SLFNL1: variants seen among roughly 807,000 people sequenced by gnomAD.
SLFNL1 encodes schlafen-like protein 1.
Under a neutral mutation model 32.5 loss-of-function variants are expected in SLFNL1, and 26 were observed. The ratio of observed to expected loss-of-function variants is 0.80; its 90% CI spans 0.59 to 1.11. The LOEUF is 1.11. Among genes scored for constraint, SLFNL1 ranks in the 50% least tolerant of loss-of-function variants. SLFNL1 has a pLI of 0.00. For synonymous variants in SLFNL1, 255 were observed against 242.2 expected (o/e 1.05, Z -0.49); for missense variants, 553 against 546.5 (o/e 1.01, Z -0.12).
rs773255974 is a variant in SLFNL1, at chr1:41,017,907, G to A, written c.685C>T (p.Arg229Trp). Reference sequence around the variant, plus strand: ...AGGCTGAGGTACTCGCCGCTACCCCGCTTGAACTCCATATTGCGGGTCTCG... The same window carrying A: ...AGGCTGAGGTACTCGCCGCTACCCCACTTGAACTCCATATTGCGGGTCTCG... ...GSETRNMEFK[R>W]GSGEYLSLAF... Residue 229 changes from arginine (R) to tryptophan (W), a missense_variant, in exon 4 of 6, where the codon CGG becomes TGG. Physicochemically the swap from Arg to Trp is moderately radical, Grantham distance 101. Coordinates refer to ENST00000302946, the MANE Select transcript of SLFNL1 (RefSeq NM_144990.4). This position sits in a 1 kb window ranked among gnomAD's most constrained non-coding sequence, Gnocchi z 4.9. 51 of 1,612,260 alleles carry A rather than the reference G, an allele frequency of 3.2e-5. No individual in the cohort carries two copies. The highest frequency in any genetic ancestry group is 6.7e-5 in the African/African-American group (5 of 74,938).
At position 41,016,030 on chromosome 1, in the gene SLFNL1, G is replaced by T; in HGVS notation, c.*76C>A. 1 of 1,536,374 alleles carries T rather than the reference G, an allele frequency of 6.5e-7. No homozygotes were observed. Among genetic ancestry groups the T allele is most frequent in the Non-Finnish European group, 8.8e-7 (1 of 1,138,574 alleles). ...GCAGCCCGCATGGGCTTTACTGGTT[G>T]GCCTTACACTCAAACAGGAAATCCC... On this transcript the variant is annotated 3_prime_UTR_variant, in exon 6 of 6. Transcript: ENST00000302946.
chr1:41,015,875 T>C lies in SLFNL1; in HGVS notation c.*231A>G, dbSNP rs1215196792. On this transcript the variant is annotated 3_prime_UTR_variant, in exon 6 of 6. Transcript: ENST00000302946. ...TCTGGGCAGGGTTTTACACATTCTT[T>C]CTGAAAGTAAGGTCATTTGGGGACA... 1 of 483,372 alleles carries C rather than the reference T, an allele frequency of 2.1e-6. No homozygotes were observed. Among genetic ancestry groups the C allele is most frequent in the Non-Finnish European group, 3.6e-6 (1 of 276,566 alleles). 29.9% of individuals were successfully genotyped at this position (483,372 alleles called of 1,614,324 possible).
intron 3 of SLFNL1, among the ~76,000 whole-genome samples, chr1:41,019,103 C>T (rs2148449212): frequency 6.6e-6 from 1 of 152,154 alleles, no homozygotes; most frequent in East Asian, 1.9e-4. Flanking sequence ...GCTGGGATTA[C>T]AAGCGTGAGC....
rs771589536 is a variant in SLFNL1 at position 41,020,376 on chromosome 1, C to T, written c.285G>A (p.Leu95=). The change falls in exon 3 of 6, where the codon CTG becomes CTA. Residue 95 remains leucine (L), a synonymous_variant. Coordinates refer to ENST00000302946, the MANE Select transcript of SLFNL1 (RefSeq NM_144990.4). ...TGTCCCTGTGGACAGTCACCTGCAC[C>T]AGTGCATAGGCCTTCCGCGGCCGCC... ...VVRRPRKAYA[L]VQVTVHRDTL... is the part of the protein sequence containing the mutation. 8 of 1,613,302 alleles carry T rather than the reference C, an allele frequency of 5.0e-6. No homozygotes were observed. The highest frequency in any genetic ancestry group is 1.3e-5 in the African/African-American group (1 of 74,938).
chr1:41,017,987 A>G lies in SLFNL1; in HGVS notation c.605T>C (p.Val202Ala). Reference sequence around the variant, plus strand: ...GTCCTTGCCCACGATCTGCTGGTGCACAATGGCACTGTCGGAGCACACGCC... The same window carrying G: ...GTCCTTGCCCACGATCTGCTGGTGCGCAATGGCACTGTCGGAGCACACGCC... ...PSGVCSDSAI[V>A]HQQIVGKDQL... The change falls in exon 4 of 6, where the codon GTG becomes GCG. Residue 202 changes from valine (V) to alanine (A), a missense_variant. Transcript: ENST00000302946. This position sits in a 1 kb window ranked among gnomAD's most constrained non-coding sequence, Gnocchi z 4.9. 2 of 1,609,916 alleles carry G rather than the reference A, an allele frequency of 1.2e-6. No individual in the cohort carries two copies. Among genetic ancestry groups the G allele is most frequent in the Non-Finnish European group, 1.7e-6 (2 of 1,178,694 alleles).
rs1219372372 is a variant in SLFNL1 at position 41,020,109 on chromosome 1, G to A, written c.435+117C>T. 2.7e-6 allele frequency: 3 copies of A among 1,109,256 alleles called. No individual in the cohort carries two copies. The African/African-American group carries it at 4.7e-5, about 17-fold the overall frequency. 68.7% of individuals were successfully genotyped at this position (1,109,256 alleles called of 1,614,324 possible). A position where few individuals can be genotyped will look rare whatever the true frequency, so the allele number is the denominator to read the frequency against. On this transcript the variant is annotated intron_variant, in intron 3 of 5. Coordinates refer to ENST00000302946, the MANE Select transcript of SLFNL1 (RefSeq NM_144990.4). ...TTGAGTGGCAGCCCCCAAGTTTGCA[G>A]ATTTGTCCCTGCTTCCCCAGAGACA...
rs1643455470 is a variant in SLFNL1 at position 41,017,594 on chromosome 1, C to T, written c.957+41G>A. On this transcript the variant is annotated intron_variant, in intron 4 of 5. Transcript: ENST00000302946. The surrounding 1 kb of genome is among the most constrained non-coding windows in gnomAD (Gnocchi z 4.9). ...AGGCCATCGTCTTACTGAGTGATGA[C>T]AGATGACAGGCCCAGAGGCCCTCCT... 3.3e-6 allele frequency: 5 copies of T among 1,511,752 alleles called. No individual in the cohort carries two copies. In the African/African-American group the frequency reaches 7.0e-5, roughly 21 times the overall value. The allele number at this position is 1,511,752 out of a possible 1,614,324, so 93.6% of individuals were successfully genotyped here.
At chr1:41,020,177 C>G in intron 3 of SLFNL1, 49 bp downstream of exon 3, 1 of 1,522,100 alleles carries the variant, frequency 6.6e-7, no homozygotes, top group African/African-American at 1.4e-5. Context: ...CTCAGAGGCT[C>G]TCCCTTGGGG....
chr1:41,016,278 C>CA, intron 5 of SLFNL1, 50 bp from the exon 6 acceptor site: 1 of 1,591,010 alleles, frequency 6.3e-7, no homozygotes, highest in Non-Finnish European at 8.6e-7. Flanking sequence ...GGTCTCGGGC[C>CA]TGTCCGTCCT....
intron 3 of SLFNL1, among the ~76,000 whole-genome samples, chr1:41,018,828 GTTTTTTTTTTT>G (rs34061852): frequency 4.9e-5 from 3 of 60,644 alleles, no homozygotes; most frequent in Non-Finnish European, 8.7e-5. Flanking sequence ...CAACCCTCCT[GTTTTTTTTTTT>G]TTTTTTTTTT....
At position 41,017,374 on chromosome 1, in the gene SLFNL1, T is replaced by A; in HGVS notation, c.961A>T (p.Ile321Phe). The A allele has an allele frequency of 6.2e-7, 1 of 1,612,782 alleles. No individual in the cohort carries two copies. The highest frequency in any genetic ancestry group is 8.5e-7 in the Non-Finnish European group (1 of 1,179,520). ...TSETSVPLKV[I>F]RLTVHTPKAQ... Reference sequence around the variant, plus strand: ...TTGGGGGTGTGCACGGTCAGGCGGATCACCTTGGTAGGGGCAACAGCAGCT... The same window carrying A: ...TTGGGGGTGTGCACGGTCAGGCGGAACACCTTGGTAGGGGCAACAGCAGCT... Residue 321 changes from isoleucine (I) to phenylalanine (F), a missense_variant, in exon 5 of 6, where the codon ATC (isoleucine) becomes TTC (phenylalanine). Transcript: ENST00000302946. The surrounding 1 kb of genome is among the most constrained non-coding windows in gnomAD (Gnocchi z 4.9).
At chr1:41,016,379 GC>G in intron 5 of SLFNL1, 151 bp from the exon 6 acceptor site, 1 of 1,206,002 alleles carries the variant, frequency 8.3e-7, no homozygotes, top group Non-Finnish European at 1.1e-6. Flanking sequence ...TCGGCCTGCT[GC>G]CACCTTCAAC....
chr1:41,020,461 A>AGCAG lies in SLFNL1; in HGVS notation c.196_199dup (p.Leu67ProfsTer19), dbSNP rs747899514. The stretch of plus-strand genomic sequence containing the variant: ...CTCCAGCCGCTCCAGGGTGTCTCGC[A>AGCAG]GCAGGCAGGCAAGCACCGGCACTGA... On this transcript the variant is annotated frameshift_variant, in exon 3 of 6. Coordinates refer to ENST00000302946, the MANE Select transcript of SLFNL1 (RefSeq NM_144990.4). LOFTEE classifies it high-confidence loss of function. The AGCAG allele has an allele frequency of 1.9e-6, 3 of 1,613,444 alleles. No individual in the cohort carries two copies. Among genetic ancestry groups the AGCAG allele is most frequent in the Non-Finnish European group, 2.5e-6 (3 of 1,180,034 alleles).
chr1:41,019,117 C>T lies in SLFNL1; in HGVS notation c.436-961G>A, dbSNP rs556275874. ...TGCTGGGATTACAAGCGTGAGCCAC[C>T]GCGCCCAGCCAACCCTCCTTAGTGA... On this transcript the variant is annotated intron_variant, in intron 3 of 5. Coordinates refer to ENST00000302946, the MANE Select transcript of SLFNL1 (RefSeq NM_144990.4). Among the ~76,000 whole-genome samples the T allele has an allele frequency of 1.9e-3, 291 of 152,102 alleles. 2 individuals carry two copies. Among genetic ancestry groups the T allele is most frequent in the African/African-American group, 6.7e-3 (279 of 41,502 alleles).
At chr1:41,019,016 A>G (rs113457358) in intron 3 of SLFNL1, among the ~76,000 whole-genome samples, 11,843 of 150,848 alleles carry the variant, frequency 0.079, 592 homozygotes, top group South Asian at 0.13. Context: ...ATTTTTTTGT[A>G]TTTTTAGTAG....
At chr1:41,020,911 CAG>C (rs996142866) in intron 1 of SLFNL1, 41 bp from the exon 2 acceptor site, 48 of 501,164 alleles carry the variant, frequency 9.6e-5, no homozygotes, top group Middle Eastern at 1.0e-3. Context: ...GAGCAAGACA[CAG>C]GGCCTGTGGG....
intron 3 of SLFNL1, 24 bp downstream of exon 3, chr1:41,020,202 T>G (rs1314286885): frequency 6.4e-7 from 1 of 1,558,112 alleles, no homozygotes. Context: ...GCTTTGGAGC[T>G]TGCTTGGGAA....
chr1:41,020,094 G>T, intron 3 of SLFNL1, 132 bp downstream of exon 3: 2 of 910,300 alleles, frequency 2.2e-6, no homozygotes, highest in Non-Finnish European at 1.7e-6. Context: ...TTGAGTGGCA[G>T]CCCCCAAGTT....
At chr1:41,016,458 C>T in intron 5 of SLFNL1, 1 of 565,620 alleles carries the variant, frequency 1.8e-6, no homozygotes, top group South Asian at 2.2e-5. Flanking sequence ...CTGGGCAGGC[C>T]ATGTGCCTCC....
Sources: gnomAD v4.1 joint callset for allele counts (sites outside exome capture counted in the v4.1 genomes callset) on GRCh38, gnomAD v4.1.1 for gene constraint, Gnocchi (gnomAD v3.1) non-coding constraint, MANE v1.5 for transcripts, NCBI Gene and HGNC (gene_info 2026-07-23, HGNC 2026-07-21) for gene names.